PROSER3: variants seen among roughly 807,000 people sequenced by gnomAD.
PROSER3 encodes the protein proline and serine-rich protein 3.
A neutral mutation model predicts 50.2 loss-of-function variants in PROSER3; 33 were observed. The ratio of observed to expected loss-of-function variants is 0.66; its 90% CI spans 0.50 to 0.88. PROSER3 has a LOEUF of 0.88. Ranked by LOEUF, PROSER3 falls within the 40% of genes least tolerant of loss-of-function variation. The pLI, the probability that PROSER3 is intolerant of heterozygous loss-of-function variation, is 0.00. For synonymous variants in PROSER3, 266 were observed against 259.3 expected (o/e 1.03, Z -0.25); for missense variants, 623 against 612.7 (o/e 1.02, Z -0.18).
Position 35,766,169 on chromosome 19 carries a change from G to C in PROSER3, c.770-599G>C, listed in dbSNP as rs541973846. Among the ~76,000 whole-genome samples, 281 of 152,254 alleles carry C rather than the reference G, an allele frequency of 1.8e-3. 3 individuals carry two copies. Among genetic ancestry groups the C allele is most frequent in the Non-Finnish European group, 3.6e-3 (244 of 68,020 alleles). On this transcript the variant is annotated intron_variant, in intron 7 of 10. Transcript: ENST00000396908. The stretch of plus-strand genomic sequence containing the variant: ...CTGGAGCAGGGTGAGGGCTGTAGCG[G>C]GTGGGGGAGTGGGTAGATTCTGGGG...
intron 10 of PROSER3, 36 bp downstream of exon 10, chr19:35,768,272 G>A: frequency 2.5e-6 from 4 of 1,595,704 alleles, no homozygotes; most frequent in Non-Finnish European, 2.6e-6. Context: ...CTATGACACT[G>A]GGCCCCGGAG....
intron 7 of PROSER3, 96 bp downstream of exon 7, chr19:35,765,272 T>C: frequency 7.2e-7 from 1 of 1,396,812 alleles, no homozygotes; most frequent in Non-Finnish European, 9.6e-7. Context: ...CTGGGCCTTG[T>C]TTCTCCAGCT....
exon 6 of PROSER3, chr19:35,764,913 A>G: frequency 6.2e-7 from 1 of 1,613,742 alleles, no homozygotes; most frequent in Non-Finnish European, 8.5e-7. Flanking sequence ...TACAGAGCAG[A>G]GCTGCCAGGC....
chr19:35,759,990 A>T lies in PROSER3; in HGVS notation c.310A>T (p.Lys104Ter), dbSNP rs749322862. 1.9e-4 allele frequency: 307 copies of T among 1,582,452 alleles called. No individual in the cohort carries two copies. The highest frequency in any genetic ancestry group is 2.5e-4 in the Non-Finnish European group (293 of 1,163,414). ...TGACAGCGGGGACTCCGTGGTGGCC[A>T]AGTAAGTACCAGCAGCCCTGGGGGA... Residue 104 changes from lysine (K) to a stop codon, truncating the protein, a stop_gained and splice_region_variant, in exon 3 of 11, where the codon AAG (lysine) becomes TAG (stop). Coordinates refer to ENST00000396908, the Ensembl canonical transcript of PROSER3. LOFTEE classifies it high-confidence loss of function.
At position 35,767,964 on chromosome 19, in the gene PROSER3, T is replaced by TG. The variant is rs779658301; in HGVS notation, c.1122dup (p.Ser375ValfsTer13). The TG allele has an allele frequency of 6.8e-6, 11 of 1,608,664 alleles. No homozygotes were observed. The African/African-American group carries it at 8.0e-5, about 12-fold the overall frequency. On this transcript the variant is annotated frameshift_variant, in exon 9 of 11. Coordinates refer to ENST00000396908, the Ensembl canonical transcript of PROSER3. LOFTEE classifies it high-confidence loss of function. The stretch of plus-strand genomic sequence containing the variant: ...AAGGCCTCGCCGCCAGCCTTCCAGG[T>TG]GGGGTCTCCGGAGGCCCTGGCCCCG...
At chr19:35,760,107 C>T in intron 3 of PROSER3, 116 bp downstream of exon 3, 1 of 1,135,830 alleles carries the variant, frequency 8.8e-7, no homozygotes, top group African/African-American at 1.6e-5. Context: ...TAGGACCAGG[C>T]AGTTTATGTG....
chr19:35,765,950 A>G (rs1222606996), intron 7 of PROSER3, among the ~76,000 whole-genome samples: 1 of 152,188 alleles, frequency 6.6e-6, no homozygotes, highest in Non-Finnish European at 1.5e-5. Context: ...GGCAGAGGGA[A>G]CGACAGGTGT....
At chr19:35,765,109 T>C (rs1599754137) in exon 7 of PROSER3, 1 of 1,613,978 alleles carries the variant, frequency 6.2e-7, no homozygotes, top group Non-Finnish European at 8.5e-7. Flanking sequence ...CCAGCTCTGA[T>C]GGCCTCTCTC....
At chr19:35,763,096 T>G (rs190199656) in intron 5 of PROSER3, 59 of 152,226 alleles carry the variant, frequency 3.9e-4, no homozygotes, top group African/African-American at 1.4e-3. Flanking sequence ...AAGGAGGATT[T>G]GCTGGCTAAT....
chr19:35,765,686 C>A (rs1971119119), intron 7 of PROSER3, among the ~76,000 whole-genome samples: 2 of 152,084 alleles, frequency 1.3e-5, no homozygotes, highest in South Asian at 2.1e-4. Context: ...CACCACTATG[C>A]CCAGCTAATT....
chr19:35,766,605 G>A (rs1486789247), intron 7 of PROSER3, among the ~76,000 whole-genome samples, 163 bp from the exon 8 acceptor site: 5 of 152,068 alleles, frequency 3.3e-5, no homozygotes, highest in African/African-American at 1.2e-4. Context: ...CCCTGACTTT[G>A]ACCCCTTCCC....
chr19:35,767,982 T>C (rs745437518), exon 9 of PROSER3: 14 of 1,603,972 alleles, frequency 8.7e-6, no homozygotes, highest in Admixed American at 5.1e-5. Context: ...CCGGAGGCCC[T>C]GGCCCCGCCC....
In PROSER3 at chr19:35,768,505, T is replaced by TA. The variant is rs1275762860; in HGVS notation, c.1405dup (p.Arg469LysfsTer51). 1.3e-6 allele frequency: 2 copies of TA among 1,597,738 alleles called. No individual in the cohort carries two copies. The highest frequency in any genetic ancestry group is 2.2e-5 in the South Asian group (2 of 91,036). On this transcript the variant is annotated frameshift_variant, in exon 11 of 11. Coordinates refer to ENST00000396908, the Ensembl canonical transcript of PROSER3. LOFTEE classifies it high-confidence loss of function. ...CCCCCTAGGTCCCCAAGGAGGCTGC[T>TA]AAGAAGGGAAGGAGATTCCCTGGAG... is the stretch of plus-strand genomic sequence containing the variant.
At chr19:35,764,705 T>G in intron 5 of PROSER3, 149 bp from the exon 6 acceptor site, 2 of 600,834 alleles carry the variant, frequency 3.3e-6, no homozygotes, top group Non-Finnish European at 5.6e-6. Flanking sequence ...GAAAACTGGG[T>G]CTCTCCTCCC....
chr19:35,759,752 T>A (rs1970891679), intron 2 of PROSER3, 37 bp from the exon 3 acceptor site: 1 of 1,528,098 alleles, frequency 6.5e-7, no homozygotes, highest in Admixed American at 2.0e-5. Flanking sequence ...CCATGAGACC[T>A]CACACTTTTT....
At chr19:35,762,562 A>AAAAG (rs1555742235) in intron 5 of PROSER3, 8 of 402,474 alleles carry the variant, frequency 2.0e-5, no homozygotes, top group African/African-American at 4.2e-5. Flanking sequence ...AAAAAAAAAA[A>AAAAG]AGAGAGAGAG....
chr19:35,768,217 G>A, exon 10 of PROSER3: 2 of 1,613,118 alleles, frequency 1.2e-6, no homozygotes, highest in Non-Finnish European at 1.7e-6. Context: ...CCATAGGGCA[G>A]AGCTGAGTCG....
At chr19:35,764,081 C>A (rs543903202) in intron 5 of PROSER3, among the ~76,000 whole-genome samples, 1 of 152,248 alleles carries the variant, frequency 6.6e-6, no homozygotes, top group South Asian at 2.1e-4. Flanking sequence ...AGCCACCACG[C>A]CCGCCTCTGT....
At chr19:35,761,881 A>G (rs939344516) in intron 3 of PROSER3, 138 bp from the exon 4 acceptor site, 9 of 1,085,146 alleles carry the variant, frequency 8.3e-6, no homozygotes, top group Non-Finnish European at 1.1e-5. Context: ...ATGTGACTAT[A>G]TAAGAAAGAA....
Sources: allele counts gnomAD v4.1 joint callset (sites outside exome capture counted in the v4.1 genomes callset), GRCh38; gene constraint gnomAD v4.1.1; transcripts MANE v1.5; gene names NCBI Gene and HGNC (gene_info 2026-07-23, HGNC 2026-07-21).